The following TAS1R1 variants were observed in gnomAD, a reference collection of about 807,000 sequenced individuals.
TAS1R1 encodes the protein taste 1 receptor member 1, also known as taste receptor type 1 member 1.
A neutral mutation model predicts 45.8 loss-of-function variants in TAS1R1; 31 were observed. That is an observed-to-expected ratio of 0.68 (90% CI 0.51 to 0.91). The LOEUF (loss-of-function observed/expected upper bound fraction) is 0.91, where lower values mean the gene tolerates loss of function less well. Among genes scored for constraint, TAS1R1 ranks in the 40% least tolerant of loss-of-function variants. The pLI, the probability that TAS1R1 is intolerant of heterozygous loss-of-function variation, is 0.00. For synonymous variants in TAS1R1, 437 were observed against 448.4 expected (o/e 0.97, Z 0.32); for missense variants, 1,051 against 1,063.9 (o/e 0.99, Z 0.17).
chr1:6,559,037 G>A (rs1557800983), intron 1 of TAS1R1, among the ~76,000 whole-genome samples: 1 of 151,952 alleles, frequency 6.6e-6, no homozygotes, highest in Non-Finnish European at 1.5e-5. Context: ...GACTACAGGC[G>A]CCCGCCACCA....
intron 1 of TAS1R1, among the ~76,000 whole-genome samples, chr1:6,562,479 GT>G (rs1424557808): frequency 6.6e-6 from 1 of 152,130 alleles, no homozygotes; most frequent in East Asian, 1.9e-4. Flanking sequence ...GGCCACGGGG[GT>G]TTTAGACCCT....
intron 1 of TAS1R1, among the ~76,000 whole-genome samples, chr1:6,557,485 G>C (rs1639705941): frequency 6.6e-6 from 1 of 152,170 alleles, no homozygotes; most frequent in Non-Finnish European, 1.5e-5. Context: ...CTGGAGTGTA[G>C]TGGTGCAATC....
intron 2 of TAS1R1, among the ~76,000 whole-genome samples, chr1:6,573,181 G>A (rs991755071): frequency 6.1e-5 from 9 of 148,140 alleles, no homozygotes; most frequent in East Asian, 1.9e-4. Flanking sequence ...GCCGGGCACC[G>A]GGCGCGGGGG....
intron 1 of TAS1R1, among the ~76,000 whole-genome samples, chr1:6,562,070 C>T (rs776373158): frequency 1.3e-5 from 2 of 152,094 alleles, no homozygotes; most frequent in Non-Finnish European, 2.9e-5. Flanking sequence ...GCAGCTGTGC[C>T]GGTTTAGCAT....
chr1:6,565,790 G>A (rs1188483890), intron 1 of TAS1R1, among the ~76,000 whole-genome samples: 2 of 152,176 alleles, frequency 1.3e-5, no homozygotes, highest in East Asian at 3.8e-4. Context: ...CCCATTTAGA[G>A]AGCCTTTGGC....
Position 6,579,721 on chromosome 1 carries a change from C to G in TAS1R1, c.*137C>G. 1.6e-6 allele frequency: 2 copies of G among 1,219,560 alleles called. No homozygotes were observed. Among genetic ancestry groups the G allele is most frequent in the Non-Finnish European group, 2.2e-6 (2 of 900,252 alleles). The allele number at this position is 1,219,560 out of a possible 1,614,324, so 75.5% of individuals were successfully genotyped here. A position where few individuals can be genotyped will look rare whatever the true frequency, so the allele number is the denominator to read the frequency against. ...TGTAAGCGCCTGGGAGAGCCTAGAC[C>G]AGGCTCCGGGCTGCCAATAAAGAAG... On this transcript the variant is annotated 3_prime_UTR_variant, in exon 6 of 6. Coordinates refer to ENST00000333172, the MANE Select transcript of TAS1R1 (RefSeq NM_138697.4).
rs777646343 is a variant in TAS1R1, at chr1:6,571,211, C to T, written c.494C>T (p.Pro165Leu). 9 of 1,559,522 alleles carry T rather than the reference C, an allele frequency of 5.8e-6. No homozygotes were observed. In the Admixed American group the frequency reaches 1.1e-4, roughly 19 times the overall value. The change falls in exon 2 of 6, where the codon CCC (proline) becomes CTC (leucine). Residue 165 changes from proline to leucine, a missense_variant. By Grantham distance (98) the Pro-to-Leu change is moderately conservative. Transcript: ENST00000333172. ...GCCCTGCTGAGCCCTTTCCTGGTGCCCATGGTAAGCTGGAGCCTCAGACCT... is the reference window on the plus strand; with the variant it reads ...GCCCTGCTGAGCCCTTTCCTGGTGCTCATGGTAAGCTGGAGCCTCAGACCT... ...TAALLSPFLV[P>L]MISYAASSET...
chr1:6,576,668 G>T (rs554323596), intron 4 of TAS1R1, 41 bp downstream of exon 4: 2 of 1,604,196 alleles, frequency 1.2e-6, no homozygotes, highest in Non-Finnish European at 1.7e-6. Flanking sequence ...CTGGCTTATG[G>T]GCAACCTAGA....
chr1:6,559,010 G>A (rs1329858792), intron 1 of TAS1R1, among the ~76,000 whole-genome samples: 1 of 150,556 alleles, frequency 6.6e-6, no homozygotes, highest in Non-Finnish European at 1.5e-5. Context: ...TCCTGCCTCA[G>A]CCTCCGGAAT....
chr1:6,578,034 C>G (rs750028942), intron 5 of TAS1R1, among the ~76,000 whole-genome samples: 4 of 152,174 alleles, frequency 2.6e-5, no homozygotes, highest in African/African-American at 4.8e-5. Context: ...ACAGCTAGCT[C>G]CTTGAACAGC....
In TAS1R1 at chr1:6,575,069, C is replaced by T. The variant is rs1358435381; in HGVS notation, c.937C>T (p.Pro313Ser). 1 of 1,588,798 alleles carries T rather than the reference C, an allele frequency of 6.3e-7. No homozygotes were observed. The highest frequency in any genetic ancestry group is 8.6e-7 in the Non-Finnish European group (1 of 1,166,578). ...CCTCTCCAGGCACATCACTGGGGTG[C>T]CCGGGATCCAGCGCATTGGGATGGT... ...WALSRHITGV[P>S]GIQRIGMVLG... is the part of the protein sequence containing the mutation. Residue 313 changes from proline (P) to serine (S), a missense_variant, in exon 3 of 6, where the codon CCC becomes TCC. By Grantham distance (74) the Pro-to-Ser change is moderately conservative. Coordinates refer to ENST00000333172, the MANE Select transcript of TAS1R1 (RefSeq NM_138697.4).
intron 1 of TAS1R1, among the ~76,000 whole-genome samples, chr1:6,569,976 G>A (rs1441064919): frequency 6.6e-6 from 1 of 150,558 alleles, no homozygotes; most frequent in East Asian, 2.0e-4. Context: ...ATGAGAGGGG[G>A]AAAGGCTCTA....
At chr1:6,558,460 C>T (rs546642718) in intron 1 of TAS1R1, among the ~76,000 whole-genome samples, 1 of 152,232 alleles carries the variant, frequency 6.6e-6, no homozygotes, top group African/African-American at 2.4e-5. Context: ...TGGTTCATGC[C>T]TGTCATCCCA....
chr1:6,561,697 A>T (rs957934610), intron 1 of TAS1R1, among the ~76,000 whole-genome samples: 1 of 147,376 alleles, frequency 6.8e-6, no homozygotes, highest in African/African-American at 2.5e-5. Flanking sequence ...CTTGGGCAAC[A>T]GAACGAGTTT....
At chr1:6,568,609 C>T (rs4908929) in intron 1 of TAS1R1, among the ~76,000 whole-genome samples, 140,325 of 152,180 alleles carry the variant, frequency 0.92, 65,377 homozygotes, top group Non-Finnish European at 0.99. Context: ...TCAAAATTTA[C>T]AGGCTTATGG....
rs931432779 is a variant in TAS1R1, at chr1:6,575,837, C to T, written c.1260+445C>T. On this transcript the variant is annotated intron_variant, in intron 3 of 5. Coordinates refer to ENST00000333172, the MANE Select transcript of TAS1R1 (RefSeq NM_138697.4). ...CCTCCCAAGTAGGTGGGACTACGGG[C>T]GCCCGCCACCACGCCCAGCTAATTT... Among the ~76,000 whole-genome samples, 6 of 151,992 alleles carry T rather than the reference C, an allele frequency of 3.9e-5. No individual in the cohort carries two copies. The East Asian group carries it at 7.7e-4, about 20-fold the overall frequency.
At chr1:6,555,866 C>CTTTTTTTTTTTTTTTTTTTTTTT (rs770363613) in intron 1 of TAS1R1, among the ~76,000 whole-genome samples, 1 of 95,304 alleles carries the variant, frequency 1.0e-5, no homozygotes. Context: ...TTTCCCTCTT[C>CTTTTTTTTTTTTTTTTTTTTTTT]TTTTTTTTTT....
chr1:6,575,853 C>G (rs1477344381), intron 3 of TAS1R1, among the ~76,000 whole-genome samples: 1 of 152,088 alleles, frequency 6.6e-6, no homozygotes, highest in Non-Finnish European at 1.5e-5. Context: ...CCACCACGCC[C>G]AGCTAATTTT....
intron 1 of TAS1R1, among the ~76,000 whole-genome samples, chr1:6,568,980 C>T (rs907307676): frequency 2.0e-5 from 3 of 152,138 alleles, no homozygotes; most frequent in Non-Finnish European, 4.4e-5. Context: ...GACGTGGACA[C>T]GGACGATCTC....
Sources: gnomAD v4.1 joint callset for allele counts (sites outside exome capture counted in the v4.1 genomes callset) on GRCh38, gnomAD v4.1.1 for gene constraint, MANE v1.5 for transcripts, NCBI Gene and HGNC (gene_info 2026-07-23, HGNC 2026-07-21) for gene names.